Variants in ULK4 observed in about 807,000 individuals in gnomAD.
The protein encoded by ULK4 is inactive serine/threonine-protein kinase ULK4.
A neutral mutation model predicts 160.6 loss-of-function variants in ULK4; 133 were observed. That is an observed-to-expected ratio of 0.83 (90% confidence interval 0.72 to 0.96). ULK4 has a LOEUF of 0.96. Among genes scored for constraint, ULK4 ranks in the 40% least tolerant of loss-of-function variants. ULK4 has a pLI of 0.00. For missense variants in ULK4, 1,580 were observed against 1,499.5 expected (o/e 1.05, Z -0.89); for synonymous variants, 534 against 539.8 (o/e 0.99, Z 0.15).
At chr3:41,606,415 C>T (rs369905584) in intron 31 of ULK4, among the ~76,000 whole-genome samples, 4 of 151,864 alleles carry the variant, frequency 2.6e-5, no homozygotes, top group East Asian at 3.9e-4. Context: ...TTATTGTGAA[C>T]GGGGTTGCAA....
At chr3:41,757,443 T>G (rs1414054186) in intron 21 of ULK4, among the ~76,000 whole-genome samples, 1 of 151,728 alleles carries the variant, frequency 6.6e-6, no homozygotes, top group Non-Finnish European at 1.5e-5. Context: ...CCAACCTGGC[T>G]AACACAGTGA....
At chr3:41,249,226 T>C (rs1287068949) in intron 36 of ULK4, among the ~76,000 whole-genome samples, 2 of 152,164 alleles carry the variant, frequency 1.3e-5, no homozygotes, top group Non-Finnish European at 1.5e-5. Flanking sequence ...GGTGGGAATA[T>C]TGTTTCCCCT....
chr3:41,803,252 C>T (rs907031789), intron 19 of ULK4, among the ~76,000 whole-genome samples: 13 of 150,912 alleles, frequency 8.6e-5, no homozygotes, highest in African/African-American at 2.5e-4. Context: ...TATTAACTCA[C>T]TTGGACATTT....
intron 35 of ULK4, among the ~76,000 whole-genome samples, chr3:41,279,622 C>G (rs934565752): frequency 6.6e-6 from 1 of 152,158 alleles, no homozygotes; most frequent in African/African-American, 2.4e-5. Flanking sequence ...TGGCAGAAAC[C>G]CTACAAGCCA....
intron 32 of ULK4, among the ~76,000 whole-genome samples, 199 bp downstream of exon 32, chr3:41,565,826 T>A (rs139943911): frequency 6.6e-6 from 1 of 152,206 alleles, no homozygotes; most frequent in African/African-American, 2.4e-5. Context: ...GCAGTGACTA[T>A]TGACTTTATG....
At chr3:41,511,654 C>T (rs1227912158) in intron 32 of ULK4, among the ~76,000 whole-genome samples, 3 of 149,988 alleles carry the variant, frequency 2.0e-5, no homozygotes, top group Non-Finnish European at 4.4e-5. Context: ...TTAAAAATTG[C>T]CAACAACAAA....
chr3:41,953,304 A>ATATATTT (rs1181182812), intron 2 of ULK4, among the ~76,000 whole-genome samples: 2 of 124,816 alleles, frequency 1.6e-5, no homozygotes, highest in African/African-American at 6.2e-5. Context: ...ATATATATAT[A>ATATATTT]TTTTTTTTTT....
intron 20 of ULK4, among the ~76,000 whole-genome samples, chr3:41,796,179 A>G (rs1374999967): frequency 6.6e-6 from 1 of 152,092 alleles, no homozygotes; most frequent in Non-Finnish European, 1.5e-5. Flanking sequence ...CGGGGAGTGA[A>G]TGGGAGCTGG....
chr3:41,456,683 A>C (rs2083562878), intron 33 of ULK4, among the ~76,000 whole-genome samples: 2 of 152,208 alleles, frequency 1.3e-5, no homozygotes, highest in African/African-American at 4.8e-5. Context: ...ATTTGCTATA[A>C]TATGTAGACG....
intron 34 of ULK4, among the ~76,000 whole-genome samples, chr3:41,403,593 T>C (rs1434467790): frequency 6.6e-6 from 1 of 152,176 alleles, no homozygotes; most frequent in Non-Finnish European, 1.5e-5. Context: ...ATTCATTGAT[T>C]TCTGGTTTGA....
At chr3:41,615,573 C>A in intron 31 of ULK4, 96 bp downstream of exon 31, 2 of 1,187,714 alleles carry the variant, frequency 1.7e-6, no homozygotes, top group South Asian at 2.8e-5. Flanking sequence ...TCCTTCAGGG[C>A]AGAGGCAGGG....
chr3:41,592,977 A>G (rs4973975), intron 31 of ULK4, among the ~76,000 whole-genome samples: 55,933 of 151,916 alleles, frequency 0.37, 10,847 homozygotes, highest in Non-Finnish European at 0.44. Flanking sequence ...ACTAATGTCA[A>G]CAAGCTCACC....
chr3:41,506,197 G>A (rs2085367669), intron 32 of ULK4, among the ~76,000 whole-genome samples: 1 of 152,030 alleles, frequency 6.6e-6, no homozygotes, highest in Non-Finnish European at 1.5e-5. Context: ...ATTCTACTCT[G>A]CTAGCACTCA....
chr3:41,561,183 T>C (rs185026941), intron 32 of ULK4, among the ~76,000 whole-genome samples: 37 of 152,364 alleles, frequency 2.4e-4, no homozygotes, highest in Admixed American at 2.2e-3. Flanking sequence ...TTTGCATATG[T>C]TGAACCAGCC....
intron 22 of ULK4, among the ~76,000 whole-genome samples, chr3:41,735,186 G>A (rs2037985922): frequency 6.6e-6 from 1 of 152,152 alleles, no homozygotes; most frequent in South Asian, 2.1e-4. Flanking sequence ...CGAAAAGGAA[G>A]ACAAGCAGGC....
At chr3:41,449,648 C>G (rs935618312) in intron 34 of ULK4, among the ~76,000 whole-genome samples, 1 of 152,042 alleles carries the variant, frequency 6.6e-6, no homozygotes, top group African/African-American at 2.4e-5. Flanking sequence ...AGAAGGAGAA[C>G]AGGCAAGTAC....
At chr3:41,926,913 G>A (rs936885220) in intron 5 of ULK4, among the ~76,000 whole-genome samples, 2 of 152,148 alleles carry the variant, frequency 1.3e-5, no homozygotes, top group Admixed American at 6.5e-5. Flanking sequence ...AACCAAGTTG[G>A]AAAACACACT....
At chr3:41,823,346 C>A (rs552668716) in intron 18 of ULK4, among the ~76,000 whole-genome samples, 4 of 152,114 alleles carry the variant, frequency 2.6e-5, no homozygotes, top group African/African-American at 9.7e-5. Context: ...GGAATTAGGT[C>A]AGACAGGTTC....
rs2041378325 is a variant in ULK4 at position 41,826,913 on chromosome 3, A to G, written c.1765-7407T>C. 2.1e-5 allele frequency among the ~76,000 whole-genome samples: 3 copies of G among 141,972 alleles called. No individual in the cohort carries two copies. In the South Asian group the frequency reaches 6.6e-4, roughly 31 times the overall value. The allele number at this position is 141,972 out of a possible 152,430, so 93.1% of individuals were successfully genotyped here. ...AAAGTGACCACATAGTTGGAAGTAA[A>G]GCTCTCCTCAGCAAATGTAAAAGAA... On this transcript the variant is annotated intron_variant, in intron 18 of 36. Coordinates refer to ENST00000301831, the MANE Select transcript of ULK4 (RefSeq NM_017886.4).
Sources: allele counts gnomAD v4.1 joint callset (sites outside exome capture counted in the v4.1 genomes callset), GRCh38; gene constraint gnomAD v4.1.1; transcripts MANE v1.5; gene names NCBI Gene and HGNC (gene_info 2026-07-23, HGNC 2026-07-21).